WWOX: variants seen among roughly 807,000 people sequenced by gnomAD.
WWOX encodes WW domain-containing oxidoreductase.
In WWOX, 69 loss-of-function variants were observed where a neutral mutation model predicts 46.2. The observed-to-expected ratio is 1.49, with a 90% CI of 1.23 to 1.82. The LOEUF (loss-of-function observed/expected upper bound fraction) is 1.82, where lower values mean the gene tolerates loss of function less well. WWOX is among the 40% of genes most tolerant of loss of function. The pLI, the probability that WWOX is intolerant of heterozygous loss-of-function variation, is 0.00. For synonymous variants in WWOX, 359 were observed against 202.6 expected, an observed-to-expected ratio of 1.77 and a Z score of -6.56; for missense variants, 919 against 542.6, an observed-to-expected ratio of 1.69 and a Z score of -6.89.
chr16:78,313,341 G>A (rs895014926), intron 5 of WWOX, among the ~76,000 whole-genome samples: 1 of 152,174 alleles, frequency 6.6e-6, no homozygotes, highest in Non-Finnish European at 1.5e-5. Flanking sequence ...CTTATAGCAA[G>A]TGTTCAGAGA....
intron 8 of WWOX, among the ~76,000 whole-genome samples, chr16:78,613,033 C>T (rs2045936740): frequency 6.6e-6 from 1 of 152,114 alleles, no homozygotes; most frequent in South Asian, 2.1e-4. Flanking sequence ...TTCTGGGTTC[C>T]CCAAGAGGTG....
intron 5 of WWOX, among the ~76,000 whole-genome samples, chr16:78,227,791 C>A (rs1390834823): frequency 1.3e-5 from 2 of 152,074 alleles, no homozygotes; most frequent in African/African-American, 4.8e-5. Flanking sequence ...GCAGGAGAAT[C>A]GCTTGAACTC....
chr16:78,702,604 G>A (rs185618423), intron 8 of WWOX, among the ~76,000 whole-genome samples: 139 of 150,930 alleles, frequency 9.2e-4, no homozygotes, highest in African/African-American at 2.7e-3. Flanking sequence ...GTAGTGAGCT[G>A]AGATTGCACC....
chr16:78,925,715 C>G (rs1361687652), intron 8 of WWOX, among the ~76,000 whole-genome samples: 3 of 152,268 alleles, frequency 2.0e-5, no homozygotes, highest in African/African-American at 7.2e-5. Context: ...CTCCACCTTC[C>G]AGAGCTTTGG....
intron 8 of WWOX, among the ~76,000 whole-genome samples, chr16:79,000,114 C>T (rs1261825815): frequency 6.6e-6 from 1 of 152,202 alleles, no homozygotes; most frequent in Non-Finnish European, 1.5e-5. Context: ...GGCTTCCCAC[C>T]ATTTGACTGC....
chr16:78,818,509 T>A (rs1339698396), intron 8 of WWOX, among the ~76,000 whole-genome samples: 1 of 152,132 alleles, frequency 6.6e-6, no homozygotes, highest in East Asian at 1.9e-4. Flanking sequence ...GGCAAGAGGA[T>A]CACTTGAAGC....
At chr16:78,751,194 A>T (rs73573703) in intron 8 of WWOX, among the ~76,000 whole-genome samples, 540 of 152,218 alleles carry the variant, frequency 3.5e-3, no homozygotes, top group African/African-American at 0.012. Flanking sequence ...TAAAAGACAG[A>T]TGTATTTAAT....
chr16:78,625,060 G>C (rs979710387), intron 8 of WWOX, among the ~76,000 whole-genome samples: 1 of 152,158 alleles, frequency 6.6e-6, no homozygotes, highest in Non-Finnish European at 1.5e-5. Flanking sequence ...CCTGGCACTC[G>C]TTTGATTTGT....
intron 4 of WWOX, among the ~76,000 whole-genome samples, chr16:78,150,130 G>A (rs2034348142): frequency 6.6e-6 from 1 of 152,122 alleles, no homozygotes; most frequent in East Asian, 1.9e-4. Context: ...ACAAATTGGG[G>A]TTCCCACGAC....
chr16:78,361,950 G>A (rs1210002543), intron 5 of WWOX, among the ~76,000 whole-genome samples: 1 of 146,168 alleles, frequency 6.8e-6, no homozygotes, highest in Non-Finnish European at 1.5e-5. Context: ...CTTTATATTA[G>A]CGTAGATTCA....
At chr16:78,178,216 A>G (rs1472130318) in intron 5 of WWOX, among the ~76,000 whole-genome samples, 2 of 152,208 alleles carry the variant, frequency 1.3e-5, no homozygotes, top group Non-Finnish European at 2.9e-5. Flanking sequence ...GGATTAGGGC[A>G]GATTCAAACC....
Position 78,374,845 on chromosome 16 carries a change from C to T in WWOX, c.517-12015C>T, listed in dbSNP as rs780396684. ...GATTACAGGCACGAGTCTCCGCACC[C>T]GGCCCTGTTTTTGCATTTTTAGTAG... On this transcript the variant is annotated intron_variant, in intron 5 of 8. Transcript: ENST00000566780. Among the ~76,000 whole-genome samples the T allele has an allele frequency of 5.3e-5, 8 of 151,978 alleles. No individual in the cohort carries two copies. In the South Asian group the frequency reaches 6.2e-4, roughly 12 times the overall value.
intron 8 of WWOX, among the ~76,000 whole-genome samples, chr16:78,465,745 G>A (rs2084060379): frequency 6.6e-6 from 1 of 152,156 alleles, no homozygotes; most frequent in Admixed American, 6.6e-5. Flanking sequence ...CCATCAGAGG[G>A]CACCAGTAGT....
intron 8 of WWOX, among the ~76,000 whole-genome samples, chr16:79,020,823 G>C (rs1401428323): frequency 1.3e-5 from 2 of 152,078 alleles, no homozygotes; most frequent in African/African-American, 2.4e-5. Flanking sequence ...AAAATAAGTG[G>C]TCACTTTGAG....
chr16:79,020,353 C>T (rs954887579), intron 8 of WWOX, among the ~76,000 whole-genome samples: 1 of 152,214 alleles, frequency 6.6e-6, no homozygotes, highest in African/African-American at 2.4e-5. Context: ...TAAGTCCAAC[C>T]AGTGGTTATG....
intron 8 of WWOX, among the ~76,000 whole-genome samples, chr16:79,000,683 T>C (rs536340452): frequency 6.6e-5 from 10 of 152,344 alleles, no homozygotes; most frequent in South Asian, 2.1e-4. Context: ...GTGATACCCA[T>C]TGTGGCCTTC....
chr16:78,569,902 C>T (rs769972118), intron 8 of WWOX, among the ~76,000 whole-genome samples: 14 of 152,114 alleles, frequency 9.2e-5, no homozygotes, highest in African/African-American at 2.4e-5. Context: ...TCATAAATAC[C>T]CATCGGTACC....
chr16:78,656,707 C>T (rs559559734), intron 8 of WWOX, among the ~76,000 whole-genome samples: 1 of 152,284 alleles, frequency 6.6e-6, no homozygotes, highest in Non-Finnish European at 1.5e-5. Context: ...CAAATCCCAA[C>T]CATATCGGCA....
chr16:78,346,326 G>C (rs968812462), intron 5 of WWOX, among the ~76,000 whole-genome samples: 1 of 121,076 alleles, frequency 8.3e-6, no homozygotes, highest in Non-Finnish European at 2.0e-5. Context: ...TGTTGTAAAT[G>C]GATACTAATG....
Sources: allele counts gnomAD v4.1 joint callset (sites outside exome capture counted in the v4.1 genomes callset), GRCh38; gene constraint gnomAD v4.1.1; transcripts MANE v1.5; gene names NCBI Gene and HGNC (gene_info 2026-07-23, HGNC 2026-07-21).